ZNF362: variants seen among roughly 807,000 people sequenced by gnomAD.
ZNF362 encodes the protein zinc finger protein 362, also known as rotund homolog.
Under a neutral mutation model 42.9 loss-of-function variants are expected in ZNF362, and 11 were observed. The ratio of observed to expected loss-of-function variants is 0.26; its 90% CI spans 0.16 to 0.42. The LOEUF is 0.42. Ranked by LOEUF, ZNF362 falls within the 20% of genes least tolerant of loss-of-function variation. The probability of loss-of-function intolerance (pLI) is 1.00; values close to 1 mark genes in which losing one functional copy is unlikely to be tolerated. For synonymous variants in ZNF362, 255 were observed against 257.3 expected, an observed-to-expected ratio of 0.99 and a Z score of 0.09; for missense variants, 362 against 576.2, an observed-to-expected ratio of 0.63 and a Z score of 3.81.
the ZNF362 span, among the ~76,000 whole-genome samples, chr1:33,210,215 G>C: frequency 3.2e-3 from 487 of 152,276 alleles, 18 homozygotes; most frequent in East Asian, 0.083. Flanking sequence ...AGATTGTTCA[G>C]TTTCCATGTA....
chr1:33,201,545 G>T, the ZNF362 span, among the ~76,000 whole-genome samples: 3 of 152,088 alleles, frequency 2.0e-5, no homozygotes, highest in Non-Finnish European at 4.4e-5. Flanking sequence ...AACAATCCAT[G>T]GGCTAAAGAA....
chr1:33,225,607 T>G, the ZNF362 span, among the ~76,000 whole-genome samples: 27,912 of 152,008 alleles, frequency 0.18, 2,883 homozygotes, highest in East Asian at 0.32. Context: ...TGAAAGTAGA[T>G]GGGGTAGATA....
At chr1:33,170,886 A>G in the ZNF362 span, among the ~76,000 whole-genome samples, 1 of 152,210 alleles carries the variant, frequency 6.6e-6, no homozygotes, top group Non-Finnish European at 1.5e-5. Context: ...GACAATGGTA[A>G]GAAGTGTTCA....
rs1646102634 is a variant in ZNF362 at position 33,294,469 on chromosome 1, A to G, written c.909-468A>G. ...CAGCTGTCACGGAGATGTGCCTGAC[A>G]TGGGGTAGGGACAGGAAATAAGTGT... On this transcript the variant is annotated intron_variant, in intron 6 of 8. Transcript: ENST00000539719. The surrounding 1 kb of genome is among the most constrained non-coding windows in gnomAD (Gnocchi z 4.2). Among the ~76,000 whole-genome samples the G allele has an allele frequency of 6.6e-6, 1 of 152,172 alleles. No homozygotes were observed. The highest frequency in any genetic ancestry group is 1.5e-5 in the Non-Finnish European group (1 of 68,028).
At chr1:33,219,000 C>G in the ZNF362 span, among the ~76,000 whole-genome samples, 4 of 149,432 alleles carry the variant, frequency 2.7e-5, no homozygotes, top group Admixed American at 1.3e-4. Flanking sequence ...CCCCTGCCCC[C>G]CCGCAAGAGA....
the ZNF362 span, chr1:33,181,108 G>A: frequency 6.2e-7 from 1 of 1,600,180 alleles, no homozygotes; most frequent in Non-Finnish European, 8.5e-7. This position sits in a 1 kb window ranked among gnomAD's most constrained non-coding sequence, Gnocchi z 6.5. Flanking sequence ...AAGCAGAGAA[G>A]CGCGCGGTCC....
chr1:33,289,527 G>A (rs1461162593), intron 6 of ZNF362, among the ~76,000 whole-genome samples: 1 of 152,204 alleles, frequency 6.6e-6, no homozygotes, highest in South Asian at 2.1e-4. Flanking sequence ...CAACTTACTG[G>A]TCAAGAGGGC....
At chr1:33,175,795 C>T in the ZNF362 span, among the ~76,000 whole-genome samples, 566 of 152,304 alleles carry the variant, frequency 3.7e-3, 1 homozygote, top group Non-Finnish European at 6.2e-3. Context: ...GCCTATAACA[C>T]AGCACCTGGC....
the ZNF362 span, among the ~76,000 whole-genome samples, chr1:33,127,831 C>T: frequency 6.6e-6 from 1 of 152,114 alleles, no homozygotes; most frequent in African/African-American, 2.4e-5. Context: ...ATCAAGCGTG[C>T]CTACTGCTTG....
At chr1:33,203,713 G>C in the ZNF362 span, among the ~76,000 whole-genome samples, 1 of 152,136 alleles carries the variant, frequency 6.6e-6, no homozygotes, top group Non-Finnish European at 1.5e-5. Context: ...GCATTTCCCT[G>C]ATGATTAGTG....
At chr1:33,132,598 T>C in the ZNF362 span, among the ~76,000 whole-genome samples, 3 of 152,230 alleles carry the variant, frequency 2.0e-5, no homozygotes, top group African/African-American at 7.2e-5. Flanking sequence ...CCTGACTGGT[T>C]AGTTGCTCCT....
intron 6 of ZNF362, among the ~76,000 whole-genome samples, chr1:33,287,853 T>A (rs1277086505): frequency 6.6e-6 from 1 of 152,198 alleles, no homozygotes; most frequent in Non-Finnish European, 1.5e-5. Context: ...TATTTCTTCA[T>A]AAGAGATAAT....
the ZNF362 span, chr1:33,159,760 T>C: frequency 6.2e-7 from 1 of 1,613,594 alleles, no homozygotes; most frequent in Non-Finnish European, 8.5e-7. This position sits in a 1 kb window ranked among gnomAD's most constrained non-coding sequence, Gnocchi z 4.2. Context: ...CTGCAGGATC[T>C]GGGCTCCCTC....
the ZNF362 span, chr1:33,158,396 C>T: frequency 1.9e-6 from 3 of 1,598,202 alleles, no homozygotes; most frequent in African/African-American, 4.0e-5. Flanking sequence ...AAGGGGGCTG[C>T]ACCAGGGACT....
At chr1:33,127,541 G>C in the ZNF362 span, among the ~76,000 whole-genome samples, 1 of 152,252 alleles carries the variant, frequency 6.6e-6, no homozygotes, top group Non-Finnish European at 1.5e-5. Flanking sequence ...CTGAGGCGGC[G>C]TGGGAAGCGG....
At chr1:33,157,850 G>C in the ZNF362 span, among the ~76,000 whole-genome samples, 6 of 151,968 alleles carry the variant, frequency 3.9e-5, no homozygotes, top group South Asian at 1.2e-3. Flanking sequence ...TCTGCCTCCT[G>C]GGTTCAAGCA....
At chr1:33,296,280 C>T (rs1570414112) in intron 8 of ZNF362, among the ~76,000 whole-genome samples, 1 of 152,148 alleles carries the variant, frequency 6.6e-6, no homozygotes, top group Admixed American at 6.5e-5. Flanking sequence ...AGCAACCGCT[C>T]CCCAAGTGGT....
At chr1:33,178,289 C>T in the ZNF362 span, among the ~76,000 whole-genome samples, 1 of 152,218 alleles carries the variant, frequency 6.6e-6, no homozygotes, top group African/African-American at 2.4e-5. Flanking sequence ...AGGGTGGGTT[C>T]AGCCTTATTT....
chr1:33,174,974 CATAT>C, the ZNF362 span, among the ~76,000 whole-genome samples: 2 of 128,722 alleles, frequency 1.6e-5, no homozygotes, highest in Non-Finnish European at 3.2e-5. Context: ...TATATACACA[CATAT>C]ACATATATAT....
Sources: gnomAD v4.1 joint callset for allele counts (sites outside exome capture counted in the v4.1 genomes callset) on GRCh38, gnomAD v4.1.1 for gene constraint, Gnocchi (gnomAD v3.1) non-coding constraint, MANE v1.5 for transcripts, NCBI Gene and HGNC (gene_info 2026-07-23, HGNC 2026-07-21) for gene names.